Variants in PRKCB observed in about 807,000 individuals in gnomAD.
PRKCB encodes the protein protein kinase C beta type.
Under a neutral mutation model 81.5 loss-of-function variants are expected in PRKCB, and 13 were observed. The ratio of observed to expected loss-of-function variants is 0.16; its 90% CI spans 0.10 to 0.25. The LOEUF is 0.25. Ranked by LOEUF, PRKCB falls within the 10% of genes least tolerant of loss-of-function variation. The pLI, the probability that PRKCB is intolerant of heterozygous loss-of-function variation, is 1.00. For synonymous variants in PRKCB, 335 were observed against 321.4 expected, an observed-to-expected ratio of 1.04 and a Z score of -0.45; for missense variants, 509 against 875.7, an observed-to-expected ratio of 0.58 and a Z score of 5.29.
rs550908659 is a variant in PRKCB, at chr16:24,105,400, T to C, written c.822-7573T>C. On this transcript the variant is annotated intron_variant, in intron 7 of 16. Transcript: ENST00000643927. ...TAAAATTTTACTTTAAGCTCTGGGA[T>C]ACATGAACAGAAAGTGCAGGTTTGT... Among the ~76,000 whole-genome samples, 5 of 152,202 alleles carry C rather than the reference T, an allele frequency of 3.3e-5. No homozygotes were observed. The East Asian group carries it at 7.7e-4, about 23-fold the overall frequency.
chr16:24,096,666 A>ATATATAT (rs1555496499), intron 7 of PRKCB, among the ~76,000 whole-genome samples: 85 of 32,360 alleles, frequency 2.6e-3, no homozygotes, highest in African/African-American at 4.1e-3. Context: ...AAAAAAAAAA[A>ATATATAT]ATATATATAT....
intron 2 of PRKCB, among the ~76,000 whole-genome samples, chr16:23,837,997 A>G (rs138647888): frequency 8.5e-5 from 13 of 152,200 alleles, no homozygotes; most frequent in African/African-American, 3.1e-4. Context: ...TCTCCAGGGC[A>G]CTGGTTACCT....
At position 24,216,603 on chromosome 16, in the gene PRKCB, G is replaced by T; in HGVS notation, c.*1787G>T. On this transcript the variant is annotated 3_prime_UTR_variant, in exon 17 of 17. Coordinates refer to ENST00000643927, the MANE Select transcript of PRKCB (RefSeq NM_002738.7). ...TGCCTCATCTTTAGGGAAAAATGGG[G>T]TTTGGATTTCTGCTTAGGCAAAGTC... 1.0e-6 allele frequency: 1 copy of T among 985,454 alleles called. No homozygotes were observed. The highest frequency in any genetic ancestry group is 1.2e-6 in the Non-Finnish European group (1 of 829,956). 61.0% of individuals were successfully genotyped at this position (985,454 alleles called of 1,614,324 possible). A position where few individuals can be genotyped will look rare whatever the true frequency, so the allele number is the denominator to read the frequency against.
intron 2 of PRKCB, among the ~76,000 whole-genome samples, chr16:23,866,121 C>T (rs926810269): frequency 7.2e-5 from 11 of 152,252 alleles, no homozygotes; most frequent in South Asian, 2.1e-4. Flanking sequence ...TGTTAATTAT[C>T]GCCCCTGGGA....
chr16:24,035,713 C>G (rs546305313), intron 5 of PRKCB, among the ~76,000 whole-genome samples, 166 bp downstream of exon 5: 2 of 152,240 alleles, frequency 1.3e-5, no homozygotes, highest in South Asian at 4.1e-4. Context: ...CATGACAGCC[C>G]CTCCCTGCAG....
intron 5 of PRKCB, among the ~76,000 whole-genome samples, chr16:24,089,941 A>G (rs748751436): frequency 7.9e-5 from 12 of 152,168 alleles, no homozygotes; most frequent in Non-Finnish European, 1.5e-4. Flanking sequence ...TCTTTATCCA[A>G]TTTTACTCTT....
At chr16:24,124,827 C>G (rs1966839834) in intron 9 of PRKCB, among the ~76,000 whole-genome samples, 1 of 152,094 alleles carries the variant, frequency 6.6e-6, no homozygotes, top group Non-Finnish European at 1.5e-5. Flanking sequence ...CCTGAGCTTC[C>G]CTCTTTCCTG....
intron 2 of PRKCB, among the ~76,000 whole-genome samples, chr16:23,863,231 T>C (rs1455341052): frequency 1.6e-5 from 1 of 61,148 alleles, no homozygotes; most frequent in Non-Finnish European, 3.3e-5. Context: ...TATATATGTG[T>C]ATATATATAC....
rs1968280528 is a variant in PRKCB at position 24,219,190 on chromosome 16, C to T, written c.*4374C>T. 1 of 984,248 alleles carries T rather than the reference C, an allele frequency of 1.0e-6. No individual in the cohort carries two copies. The highest frequency in any genetic ancestry group is 1.2e-6 in the Non-Finnish European group (1 of 829,460). The allele number at this position is 984,248 out of a possible 1,614,324, so 61.0% of individuals were successfully genotyped here. ...GGTTAATTTCTTCTCCACCTCCCTA[C>T]TGAACAAAAAAAGAAATGCCAGACT... On this transcript the variant is annotated 3_prime_UTR_variant, in exon 17 of 17. Transcript: ENST00000643927.
chr16:24,032,625 A>G (rs1965563995), intron 4 of PRKCB, among the ~76,000 whole-genome samples: 1 of 152,148 alleles, frequency 6.6e-6, no homozygotes, highest in South Asian at 2.1e-4. Flanking sequence ...CATCTGGGTG[A>G]TGGTGATGAC....
chr16:24,101,577 T>G (rs544261650), intron 7 of PRKCB, among the ~76,000 whole-genome samples: 18 of 152,230 alleles, frequency 1.2e-4, no homozygotes, highest in Non-Finnish European at 2.5e-4. Flanking sequence ...AAAAATGAAG[T>G]TGAACTGAAA....
intron 2 of PRKCB, among the ~76,000 whole-genome samples, chr16:23,903,580 AG>A (rs1963515513): frequency 6.6e-6 from 1 of 152,212 alleles, no homozygotes; most frequent in Non-Finnish European, 1.5e-5. Flanking sequence ...GGGAGGGAAG[AG>A]AGTATTAAAA....
At chr16:24,082,790 A>T (rs1966266630) in intron 5 of PRKCB, among the ~76,000 whole-genome samples, 1 of 152,178 alleles carries the variant, frequency 6.6e-6, no homozygotes, top group African/African-American at 2.4e-5. Context: ...GTAGTTATAC[A>T]AAGAGTTCTT....
chr16:24,027,872 T>A (rs1003106905), intron 3 of PRKCB, among the ~76,000 whole-genome samples: 2 of 151,368 alleles, frequency 1.3e-5, no homozygotes, highest in African/African-American at 4.9e-5. Context: ...TGGGTTCAAG[T>A]GATCCTCCCA....
At chr16:24,022,858 A>G (rs951792725) in intron 3 of PRKCB, among the ~76,000 whole-genome samples, 10 of 152,192 alleles carry the variant, frequency 6.6e-5, no homozygotes, top group South Asian at 2.1e-4. Context: ...GATTTCTAAG[A>G]AGCACCTTGT....
intron 9 of PRKCB, among the ~76,000 whole-genome samples, chr16:24,139,946 T>G (rs1351710097): frequency 6.6e-6 from 1 of 152,142 alleles, no homozygotes; most frequent in Non-Finnish European, 1.5e-5. Flanking sequence ...TTCTCCCCAT[T>G]ATATCACTTT....
At chr16:23,851,614 G>T (rs1962473996) in intron 2 of PRKCB, among the ~76,000 whole-genome samples, 1 of 152,206 alleles carries the variant, frequency 6.6e-6, no homozygotes, top group African/African-American at 2.4e-5. Flanking sequence ...TTCTATTTCT[G>T]TGAAAAATGA....
At chr16:23,859,925 G>A (rs1179105230) in intron 2 of PRKCB, among the ~76,000 whole-genome samples, 1 of 151,898 alleles carries the variant, frequency 6.6e-6, no homozygotes, top group Non-Finnish European at 1.5e-5. Context: ...GAGTTGTCAA[G>A]GAAGGGAAGG....
chr16:24,097,396 A>G (rs982516248), intron 7 of PRKCB, among the ~76,000 whole-genome samples: 7 of 152,282 alleles, frequency 4.6e-5, no homozygotes, highest in African/African-American at 1.7e-4. Context: ...CACTAGAAAC[A>G]CATGGAGGTA....
Sources: allele counts gnomAD v4.1 joint callset (sites outside exome capture counted in the v4.1 genomes callset), GRCh38; gene constraint gnomAD v4.1.1; transcripts MANE v1.5; gene names NCBI Gene and HGNC (gene_info 2026-07-23, HGNC 2026-07-21).